LCOR: variants seen among roughly 807,000 people sequenced by gnomAD.
LCOR encodes ligand dependent nuclear receptor corepressor, also known as ligand-dependent corepressor.
Under a neutral mutation model 64.4 loss-of-function variants are expected in LCOR, and 14 were observed. The observed-to-expected ratio is 0.22, with a 90% CI of 0.14 to 0.34. LCOR has a LOEUF of 0.34. LCOR is among the 10% of genes least tolerant of loss of function. LCOR has a pLI of 1.00. For missense variants in LCOR, 1,686 were observed against 1,765.3 expected (o/e 0.96, Z 0.80); for synonymous variants, 643 against 642.5 (o/e 1.00, Z -0.01).
intron 4 of LCOR, among the ~76,000 whole-genome samples, chr10:96,939,100 AT>A (rs1419897995): frequency 5.9e-5 from 9 of 152,236 alleles, no homozygotes; most frequent in African/African-American, 2.2e-4. Flanking sequence ...CACTTTACCA[AT>A]TTCAAAACTT....
intron 2 of LCOR, among the ~76,000 whole-genome samples, chr10:96,844,067 C>G (rs1246845642): frequency 1.3e-5 from 2 of 150,884 alleles, no homozygotes; most frequent in Non-Finnish European, 3.0e-5. Context: ...AAATTTTATG[C>G]TCTTTAACCT....
intron 7 of LCOR, among the ~76,000 whole-genome samples, chr10:96,971,398 C>T (rs1344143521): frequency 1.3e-5 from 2 of 152,150 alleles, no homozygotes; most frequent in African/African-American, 4.8e-5. Flanking sequence ...TAATGCCTGC[C>T]ATGAGTTGAG....
chr10:96,957,887 ACTT>A (rs1215065847), intron 7 of LCOR: 36 of 986,176 alleles, frequency 3.7e-5, no homozygotes, highest in Middle Eastern at 1.0e-3. Flanking sequence ...AGCTTTCTAG[ACTT>A]CTTAACAGAA....
chr10:96,894,784 T>C (rs1390394572), intron 2 of LCOR, among the ~76,000 whole-genome samples: 9 of 152,230 alleles, frequency 5.9e-5, no homozygotes, highest in Non-Finnish European at 1.3e-4. Context: ...TGTGTTTGAT[T>C]ACATTAAAAG....
chr10:96,938,773 C>T (rs1018954892), intron 4 of LCOR, among the ~76,000 whole-genome samples: 1 of 152,012 alleles, frequency 6.6e-6, no homozygotes, highest in Non-Finnish European at 1.5e-5. Context: ...GAAAACAGTT[C>T]TGTTTACAGT....
chr10:96,870,234 A>G (rs1299041520), intron 2 of LCOR, among the ~76,000 whole-genome samples: 1 of 151,758 alleles, frequency 6.6e-6, no homozygotes, highest in Non-Finnish European at 1.5e-5. Context: ...GATGGTCTCA[A>G]TCTCCTGACC....
At chr10:96,912,876 C>T (rs1846868816) in intron 4 of LCOR, among the ~76,000 whole-genome samples, 1 of 150,552 alleles carries the variant, frequency 6.6e-6, no homozygotes, top group African/African-American at 2.5e-5. Context: ...GGAAGAACTT[C>T]TCTTTTCTCC....
chr10:96,847,068 C>T (rs948515245), intron 2 of LCOR, among the ~76,000 whole-genome samples: 5 of 152,030 alleles, frequency 3.3e-5, no homozygotes, highest in African/African-American at 4.8e-5. Flanking sequence ...CATGGTGAAA[C>T]CCCGTCTCTA....
intron 4 of LCOR, among the ~76,000 whole-genome samples, chr10:96,914,368 G>A (rs1291689934): frequency 1.3e-5 from 2 of 151,902 alleles, no homozygotes; most frequent in African/African-American, 4.8e-5. Flanking sequence ...TGGCTAATTT[G>A]GTATTTTTAG....
intron 4 of LCOR, among the ~76,000 whole-genome samples, chr10:96,926,859 T>C (rs1410106948): frequency 6.6e-6 from 1 of 152,206 alleles, no homozygotes; most frequent in African/African-American, 2.4e-5. Context: ...TTTTTGTATA[T>C]AAGCTTTTGT....
intron 2 of LCOR, among the ~76,000 whole-genome samples, chr10:96,846,845 T>G (rs762833843): frequency 6.6e-6 from 1 of 152,344 alleles, no homozygotes; most frequent in East Asian, 1.9e-4. Flanking sequence ...TTTGGTCCCC[T>G]TCTCCTTAGG....
rs1443451146 is a variant in LCOR at position 96,981,727 on chromosome 10, T to G, written c.1267T>G (p.Trp423Gly). ...KGQFDHSKDG[W>G]LGPGPMPAVH... ...CCAGTTTGATCATTCCAAAGATGGT[T>G]GGTTAGGCCCCGGCCCTATGCCAGC... Residue 423 changes from tryptophan (W) to glycine (G), a missense_variant, in exon 8 of 8, where the codon TGG becomes GGG. Coordinates refer to ENST00000421806, the MANE Select transcript of LCOR (RefSeq NM_001346516.2). 1 of 1,614,096 alleles carries G rather than the reference T, an allele frequency of 6.2e-7. No individual in the cohort carries two copies. Among genetic ancestry groups the G allele is most frequent in the Non-Finnish European group, 8.5e-7 (1 of 1,180,052 alleles).
chr10:96,937,605 G>A (rs982344997), intron 4 of LCOR, among the ~76,000 whole-genome samples: 3 of 152,032 alleles, frequency 2.0e-5, no homozygotes, highest in Non-Finnish European at 2.9e-5. Flanking sequence ...GCCCGCCTCG[G>A]CCTCCCAAAG....
chr10:96,938,774 T>C (rs901827198), intron 4 of LCOR, among the ~76,000 whole-genome samples: 2 of 152,224 alleles, frequency 1.3e-5, no homozygotes, highest in Non-Finnish European at 2.9e-5. Context: ...AAAACAGTTC[T>C]GTTTACAGTA....
intron 4 of LCOR, among the ~76,000 whole-genome samples, chr10:96,909,388 T>C (rs1044851279): frequency 6.6e-5 from 10 of 152,240 alleles, no homozygotes; most frequent in African/African-American, 2.4e-4. Flanking sequence ...GTTTTTACTC[T>C]TAAGCCCCAT....
intron 2 of LCOR, among the ~76,000 whole-genome samples, chr10:96,837,854 C>T (rs191867347): frequency 6.6e-6 from 1 of 152,176 alleles, no homozygotes; most frequent in African/African-American, 2.4e-5. Context: ...TGATTTGTTT[C>T]GATGTGCCTC....
chr10:96,966,220 CTTTTTTTTTTTTT>C (rs34210121), intron 7 of LCOR, among the ~76,000 whole-genome samples: 6 of 55,140 alleles, frequency 1.1e-4, no homozygotes, highest in Admixed American at 4.0e-4. Context: ...CCAAAGGACT[CTTTTTTTTTTTTT>C]TTTTTTTTTT....
chr10:96,857,701 A>T (rs961534463), intron 2 of LCOR, among the ~76,000 whole-genome samples: 2 of 152,166 alleles, frequency 1.3e-5, no homozygotes. Context: ...GCTTGAACAA[A>T]ACCGCTACCC....
rs1453201224 is a variant in LCOR, at chr10:96,984,480, G to A, written c.4020G>A (p.Val1340=). 5.6e-6 allele frequency: 9 copies of A among 1,614,088 alleles called. No individual in the cohort carries two copies. The highest frequency in any genetic ancestry group is 2.7e-5 in the African/African-American group (2 of 74,930). Residue 1340 remains valine, a synonymous_variant, in exon 8 of 8, where the codon GTG becomes GTA. Transcript: ENST00000421806. ...TGGAATGCCCAGATGCTCTGGCTGT[G>A]GAAAGTAAGCCAAGTCGTAAGAGCG... ...EKMECPDALA[V]ESKPSRKSVC... is the part of the protein sequence containing the mutation.
Sources: gnomAD v4.1 joint callset for allele counts (sites outside exome capture counted in the v4.1 genomes callset) on GRCh38, gnomAD v4.1.1 for gene constraint, MANE v1.5 for transcripts, NCBI Gene and HGNC (gene_info 2026-07-23, HGNC 2026-07-21) for gene names.